The following GMDS variants were observed in gnomAD, a reference collection of about 807,000 sequenced individuals.
GMDS encodes GDP-mannose 4,6 dehydratase.
GMDS carries 20 observed loss-of-function variants against 49.9 expected under a neutral mutation model. The observed-to-expected ratio is 0.40, with a 90% CI of 0.28 to 0.58. The LOEUF is 0.58. Ranked by LOEUF, GMDS falls within the 20% of genes least tolerant of loss-of-function variation. GMDS has a pLI of 0.42. For missense variants in GMDS, 362 were observed against 481.4 expected (o/e 0.75, Z 2.32); for synonymous variants, 177 against 178.6 (o/e 0.99, Z 0.07).
chr6:1,874,018 C>T lies in GMDS; in HGVS notation c.771+56085G>A, dbSNP rs779700079. Among the ~76,000 whole-genome samples the T allele has an allele frequency of 4.6e-5, 7 of 152,312 alleles. No homozygotes were observed. The South Asian group carries it at 6.2e-4, about 14-fold the overall frequency. On this transcript the variant is annotated intron_variant, in intron 7 of 10. Coordinates refer to ENST00000380815, the MANE Select transcript of GMDS (RefSeq NM_001500.4). ...GTAATTACAGCTTGCAGGAGGCAGA[C>T]GGACCAGTGGGAGGAAGGGTGACCA...
intron 7 of GMDS, among the ~76,000 whole-genome samples, chr6:1,806,081 C>T (rs1455930873): frequency 6.6e-6 from 1 of 151,974 alleles, no homozygotes; most frequent in Non-Finnish European, 1.5e-5. Context: ...GAGTTTGAGT[C>T]CAGCCTGGGC....
At chr6:2,172,828 G>A (rs1778085931) in intron 1 of GMDS, among the ~76,000 whole-genome samples, 1 of 152,146 alleles carries the variant, frequency 6.6e-6, no homozygotes, top group African/African-American at 2.4e-5. Context: ...ACTTAACAAA[G>A]CATGGAGGAC....
intron 1 of GMDS, among the ~76,000 whole-genome samples, chr6:2,243,115 A>C (rs1221140641): frequency 6.6e-6 from 1 of 152,236 alleles, no homozygotes; most frequent in South Asian, 2.1e-4. Context: ...CGGAGGGAAG[A>C]AAGAAACACT....
At chr6:1,800,879 A>AG (rs1297359966) in intron 7 of GMDS, among the ~76,000 whole-genome samples, 2 of 152,212 alleles carry the variant, frequency 1.3e-5, no homozygotes, top group African/African-American at 4.8e-5. Flanking sequence ...ACCTCCAAGA[A>AG]TGGAGTCACA....
At chr6:1,952,861 C>T (rs560436782) in intron 6 of GMDS, among the ~76,000 whole-genome samples, 14 of 152,224 alleles carry the variant, frequency 9.2e-5, no homozygotes, top group Non-Finnish European at 1.8e-4. Flanking sequence ...ACGCTGTCAA[C>T]AGGGAACGTG....
chr6:1,885,528 G>A (rs955265911), intron 7 of GMDS, among the ~76,000 whole-genome samples: 4 of 152,166 alleles, frequency 2.6e-5, no homozygotes, highest in African/African-American at 9.7e-5. Flanking sequence ...GGCAAAGAAC[G>A]AAGTGTTTTC....
intron 4 of GMDS, among the ~76,000 whole-genome samples, chr6:2,080,096 C>A (rs1403861770): frequency 6.6e-6 from 1 of 152,116 alleles, no homozygotes. Context: ...TTAATCTAGA[C>A]TATTGTTGAA....
chr6:2,045,761 G>T (rs1769970678), intron 4 of GMDS, among the ~76,000 whole-genome samples: 1 of 145,228 alleles, frequency 6.9e-6, no homozygotes, highest in African/African-American at 2.5e-5. Context: ...AAAAGAGCTA[G>T]CCCCAGTCAA....
intron 2 of GMDS, among the ~76,000 whole-genome samples, chr6:2,120,154 C>T (rs1017283876): frequency 3.9e-5 from 6 of 152,060 alleles, no homozygotes; most frequent in Admixed American, 1.3e-4. Context: ...TACTGGACAC[C>T]GTTCTCTGTA....
At chr6:1,644,077 G>A (rs1468641433) in intron 9 of GMDS, among the ~76,000 whole-genome samples, 1 of 152,148 alleles carries the variant, frequency 6.6e-6, no homozygotes, top group African/African-American at 2.4e-5. Flanking sequence ...CGTGTCCTCG[G>A]CCTGCTCTTC....
chr6:2,239,261 G>A (rs561058245), intron 1 of GMDS, among the ~76,000 whole-genome samples: 15 of 151,540 alleles, frequency 9.9e-5, no homozygotes, highest in East Asian at 7.8e-4. Flanking sequence ...CCCAGGACAC[G>A]GATGTTGCAG....
chr6:1,636,569 G>A (rs969670333), intron 9 of GMDS, among the ~76,000 whole-genome samples: 15 of 152,206 alleles, frequency 9.9e-5, no homozygotes, highest in African/African-American at 3.1e-4. Flanking sequence ...CTCTCTGGCC[G>A]TCCTGAAGGT....
chr6:2,129,193 A>G (rs564681033), intron 1 of GMDS, among the ~76,000 whole-genome samples: 1 of 152,290 alleles, frequency 6.6e-6, no homozygotes, highest in Admixed American at 6.5e-5. Context: ...GCTGAAAGAA[A>G]CACAGAAAGT....
intron 1 of GMDS, among the ~76,000 whole-genome samples, chr6:2,138,628 C>T (rs1324208374): frequency 6.6e-6 from 1 of 152,162 alleles, no homozygotes; most frequent in Non-Finnish European, 1.5e-5. Context: ...AGTGTTACTG[C>T]CATGCTAACA....
chr6:1,764,045 A>T (rs1768257038), intron 7 of GMDS, among the ~76,000 whole-genome samples: 1 of 151,962 alleles, frequency 6.6e-6, no homozygotes, highest in Admixed American at 6.6e-5. Context: ...TGTCCGGTAC[A>T]TCTCCTCGTA....
intron 4 of GMDS, among the ~76,000 whole-genome samples, chr6:1,975,547 G>C (rs1285139946): frequency 6.6e-6 from 1 of 152,190 alleles, no homozygotes; most frequent in Non-Finnish European, 1.5e-5. Context: ...TCAATGGCCA[G>C]TTTAGAGATT....
At position 2,216,874 on chromosome 6, in the gene GMDS, C is replaced by T. The variant is rs1455986764; in HGVS notation, c.102+28447G>A. On this transcript the variant is annotated intron_variant, in intron 1 of 10. Transcript: ENST00000380815. ...TCCTGGGCAGGTGCCTCTGCAGCAG[C>T]CCCTGCACCTCAACCCCTTTTCGCA... is the stretch of plus-strand genomic sequence containing the variant. 2.0e-5 allele frequency among the ~76,000 whole-genome samples: 3 copies of T among 152,196 alleles called. No individual in the cohort carries two copies. The South Asian group carries it at 6.2e-4, about 31-fold the overall frequency.
At chr6:2,151,872 G>A (rs180906597) in intron 1 of GMDS, among the ~76,000 whole-genome samples, 126 of 152,004 alleles carry the variant, frequency 8.3e-4, no homozygotes, top group African/African-American at 3.0e-3. Flanking sequence ...TTTTTCTTAT[G>A]ACAAATTAAA....
Position 1,833,985 on chromosome 6 carries a change from A to G in GMDS, c.772-91399T>C, listed in dbSNP as rs1030016187. On this transcript the variant is annotated intron_variant, in intron 7 of 10. Transcript: ENST00000380815. The surrounding 1 kb of genome is among the most constrained non-coding windows in gnomAD (Gnocchi z 4.4). ...CTCAAAAATGAAGACATGTATATAC[A>G]AACATAACTGAATCACAAAGTCAGA... is the stretch of plus-strand genomic sequence containing the variant. Among the ~76,000 whole-genome samples, 1 of 152,200 alleles carries G rather than the reference A, an allele frequency of 6.6e-6. No homozygotes were observed. Among genetic ancestry groups the G allele is most frequent in the Admixed American group, 6.5e-5 (1 of 15,282 alleles).
Sources: gnomAD v4.1 joint callset for allele counts (sites outside exome capture counted in the v4.1 genomes callset) on GRCh38, gnomAD v4.1.1 for gene constraint, Gnocchi (gnomAD v3.1) non-coding constraint, MANE v1.5 for transcripts, NCBI Gene and HGNC (gene_info 2026-07-23, HGNC 2026-07-21) for gene names.